The following CPQ variants were observed in gnomAD, a reference collection of about 807,000 sequenced individuals.
The protein encoded by CPQ is carboxypeptidase Q.
In CPQ, 37 loss-of-function variants were observed where a neutral mutation model predicts 45.7. The ratio of observed to expected loss-of-function variants is 0.81; its 90% confidence interval spans 0.62 to 1.07. The LOEUF is 1.07. Among genes scored for constraint, CPQ ranks in the 50% least tolerant of loss-of-function variants. CPQ has a pLI of 0.00. For missense variants in CPQ, 537 were observed against 572.9 expected (o/e 0.94, Z 0.64); for synonymous variants, 186 against 205.8 (o/e 0.90, Z 0.82).
At chr8:96,777,245 G>A (rs1221133710) in intron 1 of CPQ, among the ~76,000 whole-genome samples, 1 of 152,152 alleles carries the variant, frequency 6.6e-6, no homozygotes, top group Non-Finnish European at 1.5e-5. Flanking sequence ...TAGATGATGA[G>A]TAGGGGAAAA....
chr8:96,902,095 G>C (rs1812519127), intron 4 of CPQ, among the ~76,000 whole-genome samples: 1 of 152,130 alleles, frequency 6.6e-6, no homozygotes, highest in Non-Finnish European at 1.5e-5. Flanking sequence ...CATGGAAGGA[G>C]GGTCAGTCAA....
chr8:96,736,596 G>T (rs1809985198), intron 1 of CPQ, among the ~76,000 whole-genome samples: 1 of 152,024 alleles, frequency 6.6e-6, no homozygotes, highest in Non-Finnish European at 1.5e-5. Context: ...TATGTAAATG[G>T]GTACTGCTTC....
At chr8:96,697,766 C>T (rs112186239) in intron 1 of CPQ, among the ~76,000 whole-genome samples, 2 of 151,758 alleles carry the variant, frequency 1.3e-5, no homozygotes, top group Non-Finnish European at 2.9e-5. Context: ...ACAGTAGCTA[C>T]AAATAAAATT....
At chr8:96,906,199 C>T (rs1053572413) in intron 4 of CPQ, among the ~76,000 whole-genome samples, 1 of 152,112 alleles carries the variant, frequency 6.6e-6, no homozygotes, top group Admixed American at 6.5e-5. Flanking sequence ...GAACTTTGTT[C>T]CAGAATACAT....
intron 1 of CPQ, among the ~76,000 whole-genome samples, chr8:96,685,167 T>C (rs1008260137): frequency 3.9e-5 from 6 of 152,092 alleles, no homozygotes; most frequent in Non-Finnish European, 7.4e-5. Context: ...TGTTTTATGA[T>C]TTATAAATAT....
chr8:96,928,268 C>T (rs936448029), intron 4 of CPQ, among the ~76,000 whole-genome samples: 2 of 151,782 alleles, frequency 1.3e-5, no homozygotes, highest in African/African-American at 4.8e-5. Context: ...GAATGTAAAC[C>T]AAAGCAATTA....
rs140158574 is a variant in CPQ, at chr8:96,832,879, G to A, written c.434-2094G>A. Among the ~76,000 whole-genome samples the A allele has an allele frequency of 5.1e-3, 774 of 152,260 alleles. 2 individuals are homozygous for A. The highest frequency in any genetic ancestry group is 8.3e-3 in the Non-Finnish European group (564 of 68,012). Reference sequence around the variant, plus strand: ...TGCCTGGGGCAGATCTGACTCTTCAGTAGTTTGACTTGTTCACTCTGGCAG... The same window carrying A: ...TGCCTGGGGCAGATCTGACTCTTCAATAGTTTGACTTGTTCACTCTGGCAG... On this transcript the variant is annotated intron_variant, in intron 2 of 7. Coordinates refer to ENST00000220763, the MANE Select transcript of CPQ (RefSeq NM_016134.4).
chr8:96,766,056 C>T lies in CPQ; in HGVS notation c.-34-18808C>T, dbSNP rs562865043. On this transcript the variant is annotated intron_variant, in intron 1 of 7. Transcript: ENST00000220763. ...GGTAAGAGTTACCTCCTCAAAGAAG[C>T]GGGGGAAATTGTCTCTTACTACTCT... 7.9e-5 allele frequency among the ~76,000 whole-genome samples: 12 copies of T among 152,230 alleles called. No individual in the cohort carries two copies. In the South Asian group the frequency reaches 1.7e-3, roughly 21 times the overall value.
chr8:97,034,315 G>A (rs1809960119), intron 6 of CPQ, among the ~76,000 whole-genome samples: 1 of 152,146 alleles, frequency 6.6e-6, no homozygotes, highest in Non-Finnish European at 1.5e-5. Flanking sequence ...CATTCAGCAT[G>A]CCTCTAACAG....
At chr8:96,685,030 G>T (rs1563702088) in intron 1 of CPQ, among the ~76,000 whole-genome samples, 1 of 152,046 alleles carries the variant, frequency 6.6e-6, no homozygotes, top group Non-Finnish European at 1.5e-5. Context: ...CTTGAACCTG[G>T]GAGGCGGAGG....
chr8:96,950,247 G>A (rs539660337), intron 4 of CPQ, among the ~76,000 whole-genome samples: 1 of 152,224 alleles, frequency 6.6e-6, no homozygotes, highest in East Asian at 1.9e-4. Flanking sequence ...AATTGTAAAG[G>A]TCAGGGGAAT....
At chr8:96,817,041 CAAG>C (rs1270009637) in intron 2 of CPQ, among the ~76,000 whole-genome samples, 1 of 152,116 alleles carries the variant, frequency 6.6e-6, no homozygotes, top group Admixed American at 6.5e-5. Context: ...TAGTTTCCAA[CAAG>C]AAGGTCAGCC....
intron 1 of CPQ, among the ~76,000 whole-genome samples, chr8:96,724,134 T>TTCTC (rs144832803): frequency 2.0e-5 from 3 of 150,760 alleles, no homozygotes; most frequent in Non-Finnish European, 3.0e-5. Flanking sequence ...TCTGTATGCA[T>TTCTC]TCTCTCTCTC....
intron 4 of CPQ, among the ~76,000 whole-genome samples, chr8:96,942,935 C>T (rs142445277): frequency 0.012 from 1,800 of 152,212 alleles, 38 homozygotes; most frequent in African/African-American, 0.042. Flanking sequence ...TTCAATGTCA[C>T]CTCTAGGAGC....
At chr8:96,728,953 A>G (rs1809876527) in intron 1 of CPQ, among the ~76,000 whole-genome samples, 1 of 152,202 alleles carries the variant, frequency 6.6e-6, no homozygotes, top group Non-Finnish European at 1.5e-5. Flanking sequence ...TCAAGAGGAA[A>G]AAAAACAAAC....
intron 3 of CPQ, among the ~76,000 whole-genome samples, chr8:96,877,993 C>T (rs997546295): frequency 1.3e-5 from 2 of 151,850 alleles, no homozygotes; most frequent in Non-Finnish European, 2.9e-5. Flanking sequence ...GACGGAGTCT[C>T]GCTCTGTCGC....
At chr8:96,646,553 C>T (rs955736730) in intron 1 of CPQ, among the ~76,000 whole-genome samples, 9 of 152,206 alleles carry the variant, frequency 5.9e-5, no homozygotes, top group Admixed American at 2.0e-4. Context: ...AGACGCTTAT[C>T]TGTTTGTAAA....
intron 4 of CPQ, among the ~76,000 whole-genome samples, chr8:96,925,642 C>A (rs1812862881): frequency 6.6e-6 from 1 of 151,742 alleles, no homozygotes; most frequent in Non-Finnish European, 1.5e-5. Context: ...CTTGGCCTCC[C>A]AAAGTGCTGG....
chr8:96,831,232 G>A (rs183645326), intron 2 of CPQ, among the ~76,000 whole-genome samples: 1 of 149,572 alleles, frequency 6.7e-6, no homozygotes, highest in East Asian at 1.9e-4. Context: ...TTATGGGTAT[G>A]TGTGTGTGTG....
Sources: allele counts gnomAD v4.1 joint callset (sites outside exome capture counted in the v4.1 genomes callset), GRCh38; gene constraint gnomAD v4.1.1; transcripts MANE v1.5; gene names NCBI Gene and HGNC (gene_info 2026-07-23, HGNC 2026-07-21).